Variants in ATP2B2 observed in about 807,000 individuals in gnomAD.
ATP2B2 encodes the protein ATPase plasma membrane Ca2+ transporting 2, also known as plasma membrane calcium-transporting ATPase 2.
ATP2B2 carries 15 observed loss-of-function variants against 120.0 expected under a neutral mutation model. The ratio of observed to expected loss-of-function variants is 0.12; its 90% CI spans 0.08 to 0.19. The LOEUF (loss-of-function observed/expected upper bound fraction) is 0.19. ATP2B2 is among the 10% of genes least tolerant of loss of function. ATP2B2 has a pLI of 1.00. For missense variants in ATP2B2, 1,045 were observed against 1,719.8 expected (o/e 0.61, Z 6.94); for synonymous variants, 694 against 700.3 (o/e 0.99, Z 0.14).
At chr3:10,706,588 G>A (rs528115441) in intron 1 of ATP2B2, among the ~76,000 whole-genome samples, 7 of 152,314 alleles carry the variant, frequency 4.6e-5, no homozygotes, top group Admixed American at 4.6e-4. Context: ...CAGAGAAGAG[G>A]AAGGCCACGG....
At chr3:10,403,382 C>G (rs891169373) in intron 3 of ATP2B2, among the ~76,000 whole-genome samples, 1 of 152,218 alleles carries the variant, frequency 6.6e-6, no homozygotes, top group Non-Finnish European at 1.5e-5. Flanking sequence ...CAAAAACTCT[C>G]GAGGTCTGCC....
At position 10,405,410 on chromosome 3, in the gene ATP2B2, G is replaced by A. The variant is rs140413657; in HGVS notation, c.398-3062C>T. Among the ~76,000 whole-genome samples, 180 of 152,302 alleles carry A rather than the reference G, an allele frequency of 1.2e-3. 6 individuals carry two copies. The South Asian group carries it at 0.028, about 23-fold the overall frequency. On this transcript the variant is annotated intron_variant, in intron 3 of 22. Coordinates refer to ENST00000360273, the MANE Select transcript of ATP2B2 (RefSeq NM_001001331.4). Reference sequence around the variant, plus strand: ...CCAGAGAACTGTCTGCTCGTCACGCGGTGCCAAGGGATGACTAGAAAGTGG... The same window carrying A: ...CCAGAGAACTGTCTGCTCGTCACGCAGTGCCAAGGGATGACTAGAAAGTGG...
At chr3:10,648,171 C>G (rs893252400) in intron 1 of ATP2B2, among the ~76,000 whole-genome samples, 6 of 152,172 alleles carry the variant, frequency 3.9e-5, no homozygotes, top group African/African-American at 1.4e-4. Flanking sequence ...AACTAGGTCA[C>G]CACTGACTTC....
intron 2 of ATP2B2, among the ~76,000 whole-genome samples, chr3:10,618,639 A>G (rs189978825): frequency 6.6e-6 from 1 of 152,260 alleles, no homozygotes; most frequent in East Asian, 1.9e-4. Flanking sequence ...CTTTTCCACC[A>G]AAAGGTACCC....
chr3:10,355,834 G>A (rs1212259091), intron 14 of ATP2B2, among the ~76,000 whole-genome samples: 1 of 38,350 alleles, frequency 2.6e-5, no homozygotes, highest in Non-Finnish European at 4.7e-5. Flanking sequence ...AGCACTTTGG[G>A]AGGCCGAGGC....
chr3:10,557,958 A>G (rs2067817948), intron 2 of ATP2B2, among the ~76,000 whole-genome samples: 1 of 152,164 alleles, frequency 6.6e-6, no homozygotes, highest in South Asian at 2.1e-4. Context: ...CAGAGATGGT[A>G]GCATGAAGGC....
chr3:10,606,963 A>G (rs1333716382), intron 2 of ATP2B2, among the ~76,000 whole-genome samples: 5 of 71,690 alleles, frequency 7.0e-5, no homozygotes, highest in African/African-American at 1.2e-4. Flanking sequence ...GGAGGGGGGG[A>G]GAGAGAGAGA....
chr3:10,687,698 T>G (rs549593460), intron 1 of ATP2B2, among the ~76,000 whole-genome samples: 6 of 152,194 alleles, frequency 3.9e-5, no homozygotes, highest in African/African-American at 1.4e-4. Context: ...CCATCTCTCC[T>G]AAAAATACAA....
chr3:10,622,095 C>T (rs890622254), intron 1 of ATP2B2, among the ~76,000 whole-genome samples: 5 of 152,170 alleles, frequency 3.3e-5, no homozygotes, highest in Admixed American at 1.3e-4. Flanking sequence ...ACCTGTCACG[C>T]CCAGCACCTT....
At chr3:10,536,690 C>A (rs2067325404) in intron 2 of ATP2B2, among the ~76,000 whole-genome samples, 1 of 152,064 alleles carries the variant, frequency 6.6e-6, no homozygotes, top group Admixed American at 6.6e-5. Context: ...CTATGCCCAG[C>A]TAATTTTATT....
At chr3:10,450,285 T>C (rs1202537671) in intron 1 of ATP2B2, among the ~76,000 whole-genome samples, 1 of 152,138 alleles carries the variant, frequency 6.6e-6, no homozygotes, top group East Asian at 1.9e-4. Flanking sequence ...CAAGAATTGC[T>C]GTGCTCACAG....
chr3:10,350,672 C>G (rs1037585557), intron 14 of ATP2B2, 95 bp from the exon 15 acceptor site: 6 of 1,373,448 alleles, frequency 4.4e-6, no homozygotes, highest in African/African-American at 1.4e-5. Context: ...TCACAGGCAG[C>G]TCTACTGAAA....
At chr3:10,589,215 G>A (rs944947644) in intron 2 of ATP2B2, among the ~76,000 whole-genome samples, 20 of 152,280 alleles carry the variant, frequency 1.3e-4, no homozygotes, top group African/African-American at 4.8e-4. Flanking sequence ...CCCCACTCTA[G>A]GGGATAAATG....
intron 3 of ATP2B2, among the ~76,000 whole-genome samples, chr3:10,522,885 C>T (rs1559438071): frequency 6.6e-6 from 1 of 152,222 alleles, no homozygotes; most frequent in Non-Finnish European, 1.5e-5. Context: ...GGTTCTTCAG[C>T]TGCAGAGATG....
chr3:10,467,871 A>G (rs1277013583), intron 1 of ATP2B2, among the ~76,000 whole-genome samples: 1 of 152,168 alleles, frequency 6.6e-6, no homozygotes, highest in Admixed American at 6.5e-5. Flanking sequence ...CCTTTTCCCC[A>G]GGCAGTATCT....
intron 1 of ATP2B2, among the ~76,000 whole-genome samples, chr3:10,497,339 C>G (rs2066194064): frequency 6.6e-6 from 1 of 152,236 alleles, no homozygotes; most frequent in African/African-American, 2.4e-5. Context: ...TGGTTCCAGT[C>G]TGCTGGGAGC....
intron 2 of ATP2B2, among the ~76,000 whole-genome samples, chr3:10,430,751 C>A (rs1016753806): frequency 2.7e-5 from 4 of 149,960 alleles, no homozygotes; most frequent in African/African-American, 9.8e-5. Flanking sequence ...TGAGCGAGAG[C>A]CAAGTCCCAA....
At chr3:10,412,397 G>A (rs73814219) in intron 2 of ATP2B2, among the ~76,000 whole-genome samples, 3,191 of 152,198 alleles carry the variant, frequency 0.021, 103 homozygotes, top group African/African-American at 0.072. Flanking sequence ...CTCAGAGGCC[G>A]GTGCTTCTCC....
At chr3:10,583,789 C>G (rs9968086) in intron 2 of ATP2B2, among the ~76,000 whole-genome samples, 3,011 of 152,198 alleles carry the variant, frequency 0.02, 80 homozygotes, top group African/African-American at 0.068. Flanking sequence ...CCGGTTGCAC[C>G]CTGTTTCCCA....
Sources: gnomAD v4.1 joint callset for allele counts (sites outside exome capture counted in the v4.1 genomes callset) on GRCh38, gnomAD v4.1.1 for gene constraint, MANE v1.5 for transcripts, NCBI Gene and HGNC (gene_info 2026-07-23, HGNC 2026-07-21) for gene names.